Variants in PCSK2 observed in about 807,000 individuals in gnomAD.
PCSK2 encodes the protein neuroendocrine convertase 2.
A neutral mutation model predicts 69.7 loss-of-function variants in PCSK2; 14 were observed. The ratio of observed to expected loss-of-function variants is 0.20; its 90% CI spans 0.13 to 0.31. PCSK2 has a LOEUF of 0.31. Ranked by LOEUF, PCSK2 falls within the 10% of genes least tolerant of loss-of-function variation. The pLI is 1.00. For synonymous variants in PCSK2, 307 were observed against 320.7 expected, an observed-to-expected ratio of 0.96 and a Z score of 0.46; for missense variants, 544 against 842.5, an observed-to-expected ratio of 0.65 and a Z score of 4.39.
intron 2 of PCSK2, among the ~76,000 whole-genome samples, chr20:17,347,956 GAAAGAGAA>G (rs199965720): frequency 0.098 from 7,598 of 77,216 alleles, 870 homozygotes; most frequent in South Asian, 0.34. Flanking sequence ...AAGAAAGAAA[GAAAGAGAA>G]AGAAAGAAAG....
At chr20:17,264,389 T>C (rs1035596788) in intron 2 of PCSK2, among the ~76,000 whole-genome samples, 1 of 152,330 alleles carries the variant, frequency 6.6e-6, no homozygotes, top group Non-Finnish European at 1.5e-5. Flanking sequence ...CTTCTATCAG[T>C]CCAATAAAAA....
At chr20:17,397,056 C>T (rs1423242660) in intron 5 of PCSK2, among the ~76,000 whole-genome samples, 1 of 152,192 alleles carries the variant, frequency 6.6e-6, no homozygotes, top group African/African-American at 2.4e-5. Flanking sequence ...AGCACAGAAT[C>T]AAAGCACACC....
At chr20:17,248,970 C>G (rs1443370774) in intron 1 of PCSK2, among the ~76,000 whole-genome samples, 1 of 152,148 alleles carries the variant, frequency 6.6e-6, no homozygotes, top group African/African-American at 2.4e-5. Context: ...CTGGCACCCC[C>G]TGAGCCACAG....
At chr20:17,282,657 A>AT (rs139013706) in intron 2 of PCSK2, among the ~76,000 whole-genome samples, 10 of 150,246 alleles carry the variant, frequency 6.7e-5, no homozygotes, top group South Asian at 2.1e-4. Context: ...AAGGAAAGAG[A>AT]TTTTTTTTTT....
At chr20:17,280,439 T>A (rs1988265376) in intron 2 of PCSK2, among the ~76,000 whole-genome samples, 1 of 152,184 alleles carries the variant, frequency 6.6e-6, no homozygotes, top group South Asian at 2.1e-4. Context: ...GGTCTTGTAA[T>A]TATGCCTTAT....
chr20:17,260,875 T>C (rs8120099), intron 2 of PCSK2, among the ~76,000 whole-genome samples: 76,638 of 151,872 alleles, frequency 0.5, 19,500 homozygotes, highest in East Asian at 0.66. Flanking sequence ...CTATATTTTC[T>C]AGCACTGATC....
At position 17,483,871 on chromosome 20, in the gene PCSK2, T is replaced by C. The variant is rs76723358; in HGVS notation, c.*1801T>C. 0.01 allele frequency: 1,536 copies of C among 152,738 alleles called. 86 individuals are homozygous for C. In the East Asian group the frequency reaches 0.14, roughly 13 times the overall value. 9.5% of individuals were successfully genotyped at this position (152,738 alleles called of 1,614,324 possible). On this transcript the variant is annotated 3_prime_UTR_variant, in exon 12 of 12. Coordinates refer to ENST00000262545, the MANE Select transcript of PCSK2 (RefSeq NM_002594.5). ...TCTAAAAATAAACCAAAGGACATTA[T>C]GTGTGCATGTGTGTATAAGTGCACA...
At chr20:17,373,435 G>A (rs1294224005) in intron 5 of PCSK2, among the ~76,000 whole-genome samples, 1 of 152,198 alleles carries the variant, frequency 6.6e-6, no homozygotes, top group Non-Finnish European at 1.5e-5. Context: ...ACAGCCTGGG[G>A]AAAAGCCCTG....
chr20:17,230,229 CT>C (rs1388013978), intron 1 of PCSK2, among the ~76,000 whole-genome samples: 1 of 152,168 alleles, frequency 6.6e-6, no homozygotes, highest in African/African-American at 2.4e-5. Flanking sequence ...CTACTGCTCC[CT>C]GCTCCGAGGC....
At chr20:17,416,877 A>G (rs2032011227) in intron 6 of PCSK2, among the ~76,000 whole-genome samples, 1 of 152,222 alleles carries the variant, frequency 6.6e-6, no homozygotes, top group Admixed American at 6.5e-5. Context: ...TTTCAGGGAC[A>G]TGGATGAAGC....
intron 1 of PCSK2, among the ~76,000 whole-genome samples, chr20:17,257,596 A>T (rs555865889): frequency 2.2e-4 from 33 of 152,318 alleles, no homozygotes; most frequent in African/African-American, 7.9e-4. Context: ...GACAGGGCAG[A>T]GGTTTTCTTA....
At position 17,477,406 on chromosome 20, in the gene PCSK2, G is replaced by A. The variant is rs116732313; in HGVS notation, c.1431-4178G>A. 1.8e-3 allele frequency among the ~76,000 whole-genome samples: 281 copies of A among 151,978 alleles called. 1 individual carries two copies. The highest frequency in any genetic ancestry group is 6.2e-3 in the African/African-American group (255 of 41,438). ...ATTTTAACTAGAAACAGAACAGATAGCAAGTTCACGAGGTATGAATATTTT... is the reference window on the plus strand; with the variant it reads ...ATTTTAACTAGAAACAGAACAGATAACAAGTTCACGAGGTATGAATATTTT... On this transcript the variant is annotated intron_variant, in intron 11 of 11. Coordinates refer to ENST00000262545, the MANE Select transcript of PCSK2 (RefSeq NM_002594.5).
chr20:17,422,461 A>G (rs2123326225), intron 6 of PCSK2, among the ~76,000 whole-genome samples: 1 of 152,350 alleles, frequency 6.6e-6, no homozygotes, highest in South Asian at 2.1e-4. Flanking sequence ...GGATAAGAAG[A>G]TGGAACAATA....
intron 8 of PCSK2, among the ~76,000 whole-genome samples, chr20:17,444,721 G>A (rs1036585090): frequency 6.6e-6 from 1 of 152,202 alleles, no homozygotes; most frequent in African/African-American, 2.4e-5. Context: ...CCAGTTAAGG[G>A]TATGTTATCC....
chr20:17,276,647 T>C (rs1374380015), intron 2 of PCSK2, among the ~76,000 whole-genome samples: 1 of 152,090 alleles, frequency 6.6e-6, no homozygotes, highest in Non-Finnish European at 1.5e-5. Context: ...TGTTTCCCTG[T>C]AGTTAATAAT....
At chr20:17,369,544 C>T (rs932701425) in intron 5 of PCSK2, among the ~76,000 whole-genome samples, 2 of 152,208 alleles carry the variant, frequency 1.3e-5, no homozygotes, top group African/African-American at 2.4e-5. Flanking sequence ...CACACACAGA[C>T]AGCCACATGG....
chr20:17,280,092 G>A (rs1390912424), intron 2 of PCSK2, among the ~76,000 whole-genome samples: 1 of 151,782 alleles, frequency 6.6e-6, no homozygotes, highest in African/African-American at 2.4e-5. Flanking sequence ...TTTATTATAT[G>A]TCAACATGGT....
At chr20:17,275,963 T>A (rs920078316) in intron 2 of PCSK2, among the ~76,000 whole-genome samples, 2 of 152,140 alleles carry the variant, frequency 1.3e-5, no homozygotes, top group Non-Finnish European at 2.9e-5. Flanking sequence ...TGGGTAATAA[T>A]AATATTACTT....
At chr20:17,455,568 C>A (rs1185781859) in intron 9 of PCSK2, among the ~76,000 whole-genome samples, 2 of 152,186 alleles carry the variant, frequency 1.3e-5, no homozygotes, top group Non-Finnish European at 2.9e-5. Context: ...TTTAGCTGAG[C>A]ATGTTGATTC....
Sources: allele counts gnomAD v4.1 joint callset (sites outside exome capture counted in the v4.1 genomes callset), GRCh38; gene constraint gnomAD v4.1.1; transcripts MANE v1.5; gene names NCBI Gene and HGNC (gene_info 2026-07-23, HGNC 2026-07-21).